Variants in TRMT11 observed in about 807,000 individuals in gnomAD.
The protein encoded by TRMT11 is tRNA methyltransferase 11.
Under a neutral mutation model 62.8 loss-of-function variants are expected in TRMT11, and 53 were observed. The observed-to-expected ratio is 0.84, with a 90% confidence interval of 0.68 to 1.06. The LOEUF is 1.06. Ranked by LOEUF, TRMT11 falls within the 50% of genes least tolerant of loss-of-function variation. The pLI is 0.00. For missense variants in TRMT11, 556 were observed against 553.4 expected, an observed-to-expected ratio of 1.00 and a Z score of -0.05; for synonymous variants, 188 against 190.3, an observed-to-expected ratio of 0.99 and a Z score of 0.10.
chr6:126,035,449 G>A (rs371685746), intron 12 of TRMT11, among the ~76,000 whole-genome samples: 13 of 152,112 alleles, frequency 8.5e-5, no homozygotes, highest in African/African-American at 2.7e-4. Context: ...GAGTCATTTG[G>A]TCTTCTAGAA....
rs553213726 is a variant in TRMT11, at chr6:126,190,797, T to C, written n.144-8002T>C. Among the ~76,000 whole-genome samples the C allele has an allele frequency of 9.2e-5, 14 of 152,184 alleles. No individual in the cohort carries two copies. The South Asian group carries it at 2.9e-3, about 32-fold the overall frequency. ...TTCATTCTTTTTTATGACTAAATAA[T>C]ATCCTATTGTGTCTACATACCACAT... On this transcript the variant is annotated intron_variant and non_coding_transcript_variant, in intron 1 of 3. Transcript: ENST00000444229.
chr6:125,997,534 G>A (rs760323710), intron 3 of TRMT11, among the ~76,000 whole-genome samples: 6 of 152,270 alleles, frequency 3.9e-5, no homozygotes, highest in Non-Finnish European at 7.3e-5. Flanking sequence ...GCATGACAGA[G>A]TATCACTCTG....
chr6:126,103,306 TA>T (rs1402140375), intron 17 of TRMT11, among the ~76,000 whole-genome samples: 2 of 152,262 alleles, frequency 1.3e-5, no homozygotes, highest in Non-Finnish European at 2.9e-5. Context: ...TCTAAAGGAT[TA>T]AAAGTGAGTC....
intron 12 of TRMT11, among the ~76,000 whole-genome samples, chr6:126,035,414 G>A (rs765135333): frequency 1.2e-4 from 18 of 152,120 alleles, no homozygotes; most frequent in South Asian, 4.1e-4. Flanking sequence ...TGTTATAAAT[G>A]ATAGATGTTG....
At chr6:126,259,942 A>T in the TRMT11 span, among the ~76,000 whole-genome samples, 1 of 151,806 alleles carries the variant, frequency 6.6e-6, no homozygotes. Context: ...CTTTATTTTT[A>T]GTCTGTTTGT....
At chr6:126,024,831 G>A (rs889662635) in intron 12 of TRMT11, among the ~76,000 whole-genome samples, 1 of 152,184 alleles carries the variant, frequency 6.6e-6, no homozygotes, top group Admixed American at 6.5e-5. Context: ...TTTAAAGGAA[G>A]TAAGGCATTT....
the TRMT11 span, among the ~76,000 whole-genome samples, chr6:126,233,077 C>G: frequency 3.6e-3 from 545 of 152,232 alleles, 7 homozygotes; most frequent in Middle Eastern, 0.01. Context: ...TGTGGGAAGA[C>G]AGTTAATAGA....
chr6:126,074,479 A>T (rs989462678), intron 17 of TRMT11, among the ~76,000 whole-genome samples: 2 of 152,124 alleles, frequency 1.3e-5, no homozygotes, highest in African/African-American at 4.8e-5. Flanking sequence ...AAATATTTTA[A>T]ATACCACCTA....
chr6:126,102,301 C>T (rs1229622373), intron 17 of TRMT11, among the ~76,000 whole-genome samples: 4 of 152,110 alleles, frequency 2.6e-5, no homozygotes, highest in African/African-American at 7.2e-5. Context: ...CAGAAAAATT[C>T]GCCTGAAGCT....
chr6:126,204,759 T>C (rs1164630978), downstream of TRMT11, among the ~76,000 whole-genome samples: 1 of 152,228 alleles, frequency 6.6e-6, no homozygotes, highest in Non-Finnish European at 1.5e-5. Flanking sequence ...CATTGTGCAG[T>C]ACTATGTATT....
intron 21 of TRMT11, among the ~76,000 whole-genome samples, chr6:126,151,797 C>CTG (rs1778044026): frequency 1.1e-5 from 1 of 90,742 alleles, no homozygotes; most frequent in African/African-American, 5.4e-5. Context: ...TCCTTCCTTC[C>CTG]TCTCTGTCTT....
intron 16 of TRMT11, among the ~76,000 whole-genome samples, chr6:126,051,974 T>C (rs1403096431): frequency 6.6e-6 from 1 of 152,194 alleles, no homozygotes; most frequent in East Asian, 1.9e-4. Flanking sequence ...ATTCCTTCTG[T>C]GCCGTTTTCC....
rs114728481 is a variant in TRMT11, at chr6:125,997,572, A to T, written c.213-481A>T. On this transcript the variant is annotated intron_variant, in intron 3 of 12. Coordinates refer to ENST00000334379, the MANE Select transcript of TRMT11 (RefSeq NM_001031712.3). ...GTCCATGCTGGAGTGCGGTGACATG[A>T]TCTTGGCTCATTTTAGTCTCAAGTT... 2.4e-4 allele frequency among the ~76,000 whole-genome samples: 37 copies of T among 152,366 alleles called. 1 individual carries two copies. Among genetic ancestry groups the T allele is most frequent in the African/African-American group, 8.7e-4 (36 of 41,598 alleles).
rs187424585 is a variant in TRMT11, at chr6:126,091,031, G to A, written c.*1438-21835G>A. Among the ~76,000 whole-genome samples, 557 of 152,130 alleles carry A rather than the reference G, an allele frequency of 3.7e-3. 3 individuals carry two copies. The highest frequency in any genetic ancestry group is 0.014 in the Middle Eastern group (4 of 294). ...TTCGAGACCACCTGGTCAACATGGC[G>A]AAACCCAGTCTCTACTAAAAATACA... On this transcript the variant is annotated intron_variant and NMD_transcript_variant, in intron 17 of 22. Transcript: ENST00000648977.
intron 3 of TRMT11, 33 bp downstream of exon 3, chr6:125,996,073 T>C: frequency 7.1e-7 from 1 of 1,399,612 alleles, no homozygotes. Context: ...TGCATGAATA[T>C]ACTGGTACTT....
chr6:126,139,030 G>A (rs1024873879), intron 21 of TRMT11, among the ~76,000 whole-genome samples: 7 of 151,990 alleles, frequency 4.6e-5, no homozygotes, highest in Middle Eastern at 3.4e-3. Flanking sequence ...TGCATACTTA[G>A]CAGCAAGGTT....
At chr6:126,216,567 C>G in the TRMT11 span, among the ~76,000 whole-genome samples, 2 of 152,110 alleles carry the variant, frequency 1.3e-5, no homozygotes, top group Non-Finnish European at 2.9e-5. Flanking sequence ...TCATGCCTCT[C>G]TCTCCTGGAC....
intron 3 of TRMT11, among the ~76,000 whole-genome samples, chr6:125,996,517 G>A (rs1257161028): frequency 6.6e-6 from 1 of 152,156 alleles, no homozygotes; most frequent in African/African-American, 2.4e-5. Flanking sequence ...GTGAATTAAT[G>A]TAATGATGCT....
chr6:126,102,887 TA>T (rs1490286972), intron 17 of TRMT11, among the ~76,000 whole-genome samples: 1 of 152,204 alleles, frequency 6.6e-6, no homozygotes, highest in Non-Finnish European at 1.5e-5. Flanking sequence ...TTTCCTGTAT[TA>T]CAGCAGAGGG....
Sources: gnomAD v4.1 joint callset for allele counts (sites outside exome capture counted in the v4.1 genomes callset) on GRCh38, gnomAD v4.1.1 for gene constraint, MANE v1.5 for transcripts, NCBI Gene and HGNC (gene_info 2026-07-23, HGNC 2026-07-21) for gene names.